C10orf67: variants seen among roughly 807,000 people sequenced by gnomAD.
The protein encoded by C10orf67 is uncharacterized protein C10orf67, mitochondrial.
In C10orf67, 60 loss-of-function variants were observed where a neutral mutation model predicts 35.6. The observed-to-expected ratio is 1.68, with a 90% CI of 1.37 to 2.09. C10orf67 has a LOEUF of 2.09. Among genes scored for constraint, C10orf67 ranks in the 30% most tolerant of loss-of-function variants. The probability of loss-of-function intolerance (pLI) is 0.00; values close to 1 mark genes in which losing one functional copy is unlikely to be tolerated. For missense variants in C10orf67, 474 were observed against 330.2 expected (o/e 1.44, Z -3.38); for synonymous variants, 167 against 115.8 (o/e 1.44, Z -2.84).
chr10:23,332,336 A>G (rs1158695031), intron 2 of C10orf67, among the ~76,000 whole-genome samples: 1 of 152,196 alleles, frequency 6.6e-6, no homozygotes, highest in Non-Finnish European at 1.5e-5. Context: ...TAGGGTTTTT[A>G]ATAATAACTC....
chr10:23,216,387 C>A (rs1841430617), intron 15 of C10orf67, among the ~76,000 whole-genome samples: 1 of 152,084 alleles, frequency 6.6e-6, no homozygotes, highest in African/African-American at 2.4e-5. Context: ...TGGAACAATA[C>A]AAACTCATAA....
Position 23,239,728 on chromosome 10 carries a change from C to CA in C10orf67, c.1434dup (p.Lys479Ter). 1.5e-6 allele frequency: 1 copy of CA among 652,356 alleles called. No individual in the cohort carries two copies. Among genetic ancestry groups the CA allele is most frequent in the Non-Finnish European group, 3.0e-6 (1 of 337,888 alleles). 40.4% of individuals were successfully genotyped at this position (652,356 alleles called of 1,614,324 possible). ...AGCATCTAAACATTACATGCACTTA[C>CA]AATATAATTGAAGGATGTGTCAGCA... On this transcript the variant is annotated frameshift_variant and splice_region_variant. Transcript: ENST00000636213. LOFTEE classifies it high-confidence loss of function.
At chr10:23,333,275 ATTTTAAG>A in intron 1 of C10orf67, 93 bp from the exon 2 acceptor site, 1 of 1,163,008 alleles carries the variant, frequency 8.6e-7, no homozygotes, top group African/African-American at 1.5e-5. Context: ...ATCATATCGT[ATTTTAAG>A]TATTCTAAGA....
intron 10 of C10orf67, among the ~76,000 whole-genome samples, chr10:23,257,041 G>C (rs1842619946): frequency 6.6e-6 from 1 of 152,174 alleles, no homozygotes; most frequent in South Asian, 2.1e-4. Flanking sequence ...CAAAAATGGA[G>C]ATATATTATG....
At chr10:23,328,439 A>G (rs28429818) in intron 2 of C10orf67, among the ~76,000 whole-genome samples, 1,612 of 152,260 alleles carry the variant, frequency 0.011, 32 homozygotes, top group African/African-American at 0.037. Flanking sequence ...CTCCTTCCAT[A>G]GAAGCTGGAA....
In C10orf67 at chr10:23,203,945, C is replaced by G; in HGVS notation, c.*228G>C. On this transcript the variant is annotated 3_prime_UTR_variant, in exon 16 of 16. Coordinates refer to ENST00000636213, the MANE Select transcript of C10orf67 (RefSeq NM_001371909.1). ...GGAGGTTCAGTGCGCCCCGCTCACCCAGCACCAGCCAGGGCTTTCCTTAAA... is the reference window on the plus strand; with the variant it reads ...GGAGGTTCAGTGCGCCCCGCTCACCGAGCACCAGCCAGGGCTTTCCTTAAA... The G allele has an allele frequency of 2.9e-6, 1 of 350,098 alleles. No individual in the cohort carries two copies. Among genetic ancestry groups the G allele is most frequent in the Non-Finnish European group, 5.1e-6 (1 of 196,282 alleles). The allele number at this position is 350,098 out of a possible 1,614,324, so 21.7% of individuals were successfully genotyped here.
intron 13 of C10orf67, among the ~76,000 whole-genome samples, chr10:23,229,875 A>G (rs1841858905): frequency 6.6e-6 from 1 of 152,180 alleles, no homozygotes; most frequent in South Asian, 2.1e-4. Flanking sequence ...TAGAAGACTC[A>G]GTGATCAAGA....
At chr10:23,263,556 C>T (rs899255825) in intron 10 of C10orf67, among the ~76,000 whole-genome samples, 8 of 152,118 alleles carry the variant, frequency 5.3e-5, no homozygotes, top group Admixed American at 2.0e-4. Context: ...TGAGAAAACT[C>T]TAAGAATGGG....
At chr10:23,239,964 C>T (rs900932800) in intron 12 of C10orf67, 148 bp from the exon 13 acceptor site, 4 of 430,868 alleles carry the variant, frequency 9.3e-6, no homozygotes, top group African/African-American at 6.0e-5. Flanking sequence ...AACATACTAC[C>T]TCTTTCATTT....
intron 12 of C10orf67, among the ~76,000 whole-genome samples, chr10:23,243,874 T>C (rs74817932): frequency 0.032 from 4,878 of 152,140 alleles, 246 homozygotes; most frequent in African/African-American, 0.11. Context: ...TTCAACTTAC[T>C]GGAAATAAAA....
chr10:23,308,512 C>T (rs1588677444), intron 4 of C10orf67, among the ~76,000 whole-genome samples: 1 of 152,208 alleles, frequency 6.6e-6, no homozygotes, highest in Admixed American at 6.5e-5. Context: ...CCAAACTGGG[C>T]ATTTTATCAA....
chr10:23,223,152 T>G (rs1033516409), intron 15 of C10orf67, among the ~76,000 whole-genome samples: 5 of 152,122 alleles, frequency 3.3e-5, no homozygotes, highest in Non-Finnish European at 7.4e-5. Flanking sequence ...TGATCTTGGC[T>G]CACTGCAGCC....
intron 5 of C10orf67, among the ~76,000 whole-genome samples, chr10:23,293,184 A>T (rs1843774265): frequency 6.6e-6 from 1 of 152,220 alleles, no homozygotes; most frequent in Non-Finnish European, 1.5e-5. Context: ...AAATGGTAGC[A>T]GCTAATACCT....
chr10:23,291,302 T>C, intron 5 of C10orf67, 23 bp from the exon 6 acceptor site: 1 of 708,466 alleles, frequency 1.4e-6, no homozygotes, highest in Non-Finnish European at 2.6e-6. Context: ...GAATGCCATA[T>C]TCCTAAGCAG....
intron 2 of C10orf67, among the ~76,000 whole-genome samples, chr10:23,327,342 A>G (rs907738230): frequency 6.6e-6 from 1 of 152,180 alleles, no homozygotes; most frequent in Non-Finnish European, 1.5e-5. Context: ...ACTATATACA[A>G]TTTATAAGAG....
At chr10:23,260,848 G>C (rs111499682) in intron 10 of C10orf67, among the ~76,000 whole-genome samples, 190 of 152,252 alleles carry the variant, frequency 1.2e-3, no homozygotes, top group African/African-American at 4.4e-3. Context: ...TCCAGTGGTT[G>C]CATAAAAATC....
intron 15 of C10orf67, among the ~76,000 whole-genome samples, chr10:23,204,632 G>C (rs182433296): frequency 1.8e-4 from 28 of 152,316 alleles, no homozygotes; most frequent in Admixed American, 1.8e-3. Flanking sequence ...TTTGGGCCCA[G>C]GGATTTGATT....
intron 10 of C10orf67, chr10:23,258,682 G>A (rs1213000568): frequency 6.6e-6 from 1 of 152,190 alleles, no homozygotes; most frequent in Non-Finnish European, 1.5e-5. Context: ...GATTTTATGG[G>A]TCTATTCCAA....
intron 4 of C10orf67, 138 bp downstream of exon 4, chr10:23,320,603 A>G (rs1844909863): frequency 1.6e-6 from 1 of 644,334 alleles, no homozygotes; most frequent in Non-Finnish European, 2.7e-6. Flanking sequence ...TGATCCCTCT[A>G]AGGTGACCTG....
Sources: gnomAD v4.1 joint callset for allele counts (sites outside exome capture counted in the v4.1 genomes callset) on GRCh38, gnomAD v4.1.1 for gene constraint, MANE v1.5 for transcripts, NCBI Gene and HGNC (gene_info 2026-07-23, HGNC 2026-07-21) for gene names.